GTF2A1L: variants seen among roughly 807,000 people sequenced by gnomAD.
GTF2A1L encodes the protein TFIIA-alpha and beta-like factor.
GTF2A1L carries 48 observed loss-of-function variants against 49.7 expected under a neutral mutation model. The ratio of observed to expected loss-of-function variants is 0.97; its 90% CI spans 0.77 to 1.23. The LOEUF (loss-of-function observed/expected upper bound fraction) is 1.23, where lower values mean the gene tolerates loss of function less well. GTF2A1L is among the 50% of genes most tolerant of loss of function. The pLI is 0.00. For missense variants in GTF2A1L, 736 were observed against 564.8 expected, an observed-to-expected ratio of 1.30 and a Z score of -3.07; for synonymous variants, 246 against 193.5, an observed-to-expected ratio of 1.27 and a Z score of -2.25.
intron 6 of GTF2A1L, among the ~76,000 whole-genome samples, chr2:48,668,339 A>G (rs1023815174): frequency 3.3e-5 from 5 of 152,194 alleles, no homozygotes; most frequent in African/African-American, 1.2e-4. Flanking sequence ...GCATTATAGC[A>G]TCTGGAGCTT....
At chr2:48,620,829 T>C in intron 1 of GTF2A1L, 22 bp from the exon 2 acceptor site, 3 of 1,189,774 alleles carry the variant, frequency 2.5e-6, no homozygotes, top group African/African-American at 1.7e-5. Flanking sequence ...AAAATGAAAC[T>C]TTAACAATTG....
intron 3 of GTF2A1L, among the ~76,000 whole-genome samples, chr2:48,626,894 G>C (rs532600784): frequency 6.9e-6 from 1 of 144,306 alleles, no homozygotes; most frequent in Non-Finnish European, 1.6e-5. Flanking sequence ...TATTTTTTAA[G>C]ATGCTATTGT....
rs1431280251 is a variant in GTF2A1L at position 48,669,806 on chromosome 2, A to T, written c.1063A>T (p.Thr355Ser). 3.1e-6 allele frequency: 5 copies of T among 1,613,982 alleles called. No homozygotes were observed. In the East Asian group the frequency reaches 1.1e-4, roughly 36 times the overall value. The stretch of plus-strand genomic sequence containing the variant: ...AATTCAAGTAGATGGAAGCGGTGAT[A>T]CATCTTCCAATGAAGAAATAGGAAG... ...EIIQVDGSGD[T>S]SSNEEIGSTR... Residue 355 changes from threonine (T) to serine (S), a missense_variant, in exon 7 of 9, where the codon ACA (threonine) becomes TCA (serine). Transcript: ENST00000403751.
chr2:48,679,031 A>T (rs1308309204), intron 8 of GTF2A1L, among the ~76,000 whole-genome samples: 1 of 133,370 alleles, frequency 7.5e-6, no homozygotes, highest in African/African-American at 2.6e-5. Flanking sequence ...TCCCTATTAA[A>T]ATGTAAACTC....
rs1675955924 is a variant in GTF2A1L at position 48,620,893 on chromosome 2, G to A, written c.64G>A (p.Val22Ile). 1.2e-6 allele frequency: 2 copies of A among 1,604,338 alleles called. No homozygotes were observed. The highest frequency in any genetic ancestry group is 1.1e-5 in the South Asian group (1 of 89,298). ...RSVIEDVIEG[V>I]RNLFAEEGIE... The stretch of plus-strand genomic sequence containing the variant: ...TGTAATTGAAGATGTAATTGAAGGA[G>A]TTCGGAATCTATTTGCTGAAGAAGG... The change falls in exon 2 of 9, where the codon GTT becomes ATT. Residue 22 changes from valine to isoleucine, a missense_variant. Transcript: ENST00000403751.
At chr2:48,672,111 G>A (rs1679201601) in intron 8 of GTF2A1L, among the ~76,000 whole-genome samples, 4 of 152,238 alleles carry the variant, frequency 2.6e-5, no homozygotes, top group Admixed American at 1.3e-4. Context: ...GAAATCATTT[G>A]TAGTTGGAGT....
intron 8 of GTF2A1L, among the ~76,000 whole-genome samples, chr2:48,673,964 T>A (rs1049072604): frequency 1.8e-4 from 28 of 152,182 alleles, no homozygotes; most frequent in African/African-American, 6.8e-4. Context: ...AGAAAGACTT[T>A]CCTGCTTCTG....
chr2:48,625,713 A>G lies in GTF2A1L; in HGVS notation c.247+4423A>G, dbSNP rs186512560. ...TCCTCTCACCTCGACTTCATGAGTA[A>G]CTGGGACTACAGGCATACTCTATCA... On this transcript the variant is annotated intron_variant, in intron 3 of 8. Coordinates refer to ENST00000403751, the MANE Select transcript of GTF2A1L (RefSeq NM_006872.5). 5.3e-3 allele frequency among the ~76,000 whole-genome samples: 761 copies of G among 142,744 alleles called. 129 individuals carry two copies. Among genetic ancestry groups the G allele is most frequent in the Admixed American group, 0.052 (729 of 13,946 alleles). The allele number at this position is 142,744 out of a possible 152,430, so 93.6% of individuals were successfully genotyped here.
At chr2:48,647,337 C>T (rs2104205080) in intron 6 of GTF2A1L, among the ~76,000 whole-genome samples, 1 of 152,166 alleles carries the variant, frequency 6.6e-6, no homozygotes, top group East Asian at 1.9e-4. Context: ...TTTAGTATAA[C>T]TGTCAGTCCT....
rs779064691 is a variant in GTF2A1L, at chr2:48,646,874, G to A, written c.810G>A (p.Met270Ile). Reference sequence around the variant, plus strand: ...CAGTGCTCAGTGGTTCAGCTAGCATGGCTCAAAATCTGCATGATGAGTCCC... The same window carrying A: ...CAGTGCTCAGTGGTTCAGCTAGCATAGCTCAAAATCTGCATGATGAGTCCC... Reference protein sequence around the residue: ...VESVLSGSASMAQNLHDESLS... With the variant: ...VESVLSGSASIAQNLHDESLS... Residue 270 changes from methionine to isoleucine, a missense_variant, in exon 6 of 9, where the codon ATG becomes ATA. Transcript: ENST00000403751. 1.9e-6 allele frequency: 3 copies of A among 1,614,058 alleles called. No homozygotes were observed.
intron 1 of GTF2A1L, among the ~76,000 whole-genome samples, chr2:48,620,506 G>A: frequency 6.6e-6 from 1 of 152,224 alleles, no homozygotes; most frequent in Non-Finnish European, 1.5e-5. Context: ...CAGGCCGGGT[G>A]TGGTGGCTCA....
At chr2:48,649,349 C>T (rs1056233619) in intron 6 of GTF2A1L, among the ~76,000 whole-genome samples, 2 of 152,122 alleles carry the variant, frequency 1.3e-5, no homozygotes, top group African/African-American at 4.8e-5. Context: ...CATCTCCACT[C>T]CTAGTGCCAT....
chr2:48,676,778 C>A (rs1170796613), intron 8 of GTF2A1L, among the ~76,000 whole-genome samples: 1 of 151,508 alleles, frequency 6.6e-6, no homozygotes, highest in Non-Finnish European at 1.5e-5. Context: ...AAGGGAAGCT[C>A]ATGTTTTCTT....
At chr2:48,622,988 A>C (rs1477924804) in intron 3 of GTF2A1L, among the ~76,000 whole-genome samples, 1 of 152,050 alleles carries the variant, frequency 6.6e-6, no homozygotes, top group African/African-American at 2.4e-5. Context: ...TCAGCTCCTT[A>C]TTCTGTATCT....
chr2:48,668,340 T>C (rs138871843), intron 6 of GTF2A1L, among the ~76,000 whole-genome samples: 1 of 152,278 alleles, frequency 6.6e-6, no homozygotes, highest in South Asian at 2.1e-4. Context: ...CATTATAGCA[T>C]CTGGAGCTTT....
chr2:48,623,469 G>A (rs569825285), intron 3 of GTF2A1L, among the ~76,000 whole-genome samples: 2 of 152,312 alleles, frequency 1.3e-5, no homozygotes, highest in Admixed American at 1.3e-4. Context: ...CTTATGCACT[G>A]TTGGTGGGAA....
rs2104303517 is a variant in GTF2A1L at position 48,669,827 on chromosome 2, G to A, written c.1084G>A (p.Gly362Arg). The change falls in exon 7 of 9, where the codon GGA becomes AGA. Residue 362 changes from glycine to arginine, a missense_variant. Transcript: ENST00000403751. ...TGATACATCTTCCAATGAAGAAATA[G>A]GAAGTACAAGAGATGCAGATGAGAA... ...SGDTSSNEEI[G>R]STRDADENEF... is the part of the protein sequence containing the mutation. 1.2e-6 allele frequency: 2 copies of A among 1,614,026 alleles called. No individual in the cohort carries two copies. Among genetic ancestry groups the A allele is most frequent in the African/African-American group, 1.3e-5 (1 of 75,024 alleles).
At chr2:48,662,344 C>T (rs1678558141) in intron 6 of GTF2A1L, among the ~76,000 whole-genome samples, 2 of 152,138 alleles carry the variant, frequency 1.3e-5, no homozygotes, top group South Asian at 4.1e-4. Flanking sequence ...TTTAACTTTA[C>T]CAGATAATTT....
intron 1 of GTF2A1L, among the ~76,000 whole-genome samples, chr2:48,619,719 A>G (rs1675870419): frequency 6.6e-6 from 1 of 152,204 alleles, no homozygotes; most frequent in Admixed American, 6.5e-5. Flanking sequence ...TTGTCAGCAC[A>G]TAGCATTGCC....
Sources: allele counts gnomAD v4.1 joint callset (sites outside exome capture counted in the v4.1 genomes callset), GRCh38; gene constraint gnomAD v4.1.1; transcripts MANE v1.5; gene names NCBI Gene and HGNC (gene_info 2026-07-23, HGNC 2026-07-21).